The following CELF1 variants were observed in gnomAD, a reference collection of about 807,000 sequenced individuals.
CELF1 encodes the protein 50 kDa nuclear polyadenylated RNA-binding protein.
CELF1 carries 10 observed loss-of-function variants against 61.8 expected under a neutral mutation model. The ratio of observed to expected loss-of-function variants is 0.16; its 90% CI spans 0.10 to 0.27. CELF1 has a LOEUF of 0.27. Among genes scored for constraint, CELF1 ranks in the 10% least tolerant of loss-of-function variants. The pLI, the probability that CELF1 is intolerant of heterozygous loss-of-function variation, is 1.00. For synonymous variants in CELF1, 236 were observed against 225.1 expected, an observed-to-expected ratio of 1.05 and a Z score of -0.43; for missense variants, 380 against 639.1, an observed-to-expected ratio of 0.59 and a Z score of 4.37.
chr11:47,474,859 C>G (rs1267003557), intron 13 of CELF1, among the ~76,000 whole-genome samples: 1 of 152,212 alleles, frequency 6.6e-6, no homozygotes, highest in African/African-American at 2.4e-5. Context: ...ACTTCCCACT[C>G]CATCAACTCA....
rs903949698 is a variant in CELF1, at chr11:47,475,217, A to G, written c.1273+119T>C. ...TTCTCAGTCTACACTTGACACTGTC[A>G]AAGAAAAACAATGGTCTGACGACCT... On this transcript the variant is annotated intron_variant, in intron 13 of 14. Transcript: ENST00000687097. 5 of 886,794 alleles carry G rather than the reference A, an allele frequency of 5.6e-6. No homozygotes were observed. The African/African-American group carries it at 6.7e-5, about 12-fold the overall frequency. 54.9% of individuals were successfully genotyped at this position (886,794 alleles called of 1,614,324 possible).
chr11:47,485,033 A>C (rs2085849867), intron 6 of CELF1, among the ~76,000 whole-genome samples: 1 of 152,208 alleles, frequency 6.6e-6, no homozygotes, highest in Non-Finnish European at 1.5e-5. Context: ...AAGCATTTAG[A>C]TGAAATATGG....
Position 47,499,461 on chromosome 11 carries a change from G to A in CELF1, c.63C>T (p.Ser21=). 6.5e-7 allele frequency: 1 copy of A among 1,535,498 alleles called. No homozygotes were observed. Among genetic ancestry groups the A allele is most frequent in the Non-Finnish European group, 8.7e-7 (1 of 1,146,370 alleles). The part of the protein sequence containing the change: ...EMMVDHCSLN[S]SPVSKKMNGT... Reference sequence around the variant, plus strand: ...ACAACAAAAATACTTACACGGGACTGGAATTCAAAGAGCAATGATCCACCA... The same window carrying A: ...ACAACAAAAATACTTACACGGGACTAGAATTCAAAGAGCAATGATCCACCA... Residue 21 remains serine (S), a synonymous_variant, in exon 3 of 15, where the codon TCC becomes TCT. Transcript: ENST00000687097.
At chr11:47,490,694 G>A (rs970131084) in intron 3 of CELF1, among the ~76,000 whole-genome samples, 3 of 151,194 alleles carry the variant, frequency 2.0e-5, no homozygotes, top group African/African-American at 7.3e-5. Flanking sequence ...CCAAAGTGCT[G>A]GATTACAGGC....
rs150388672 is a variant in CELF1, at chr11:47,478,796, G to A, written c.844+81C>T. ...AGCAAAAAAATGTTTTCACAGAAACGATGCCAAACTCCCAAGACTGTTGTT... is the reference window on the plus strand; with the variant it reads ...AGCAAAAAAATGTTTTCACAGAAACAATGCCAAACTCCCAAGACTGTTGTT... On this transcript the variant is annotated intron_variant, in intron 10 of 14. Transcript: ENST00000687097. The A allele has an allele frequency of 3.1e-3, 3,548 of 1,144,118 alleles. 12 individuals carry two copies. The highest frequency in any genetic ancestry group is 3.9e-3 in the Non-Finnish European group (2,993 of 776,238). 70.9% of individuals were successfully genotyped at this position (1,144,118 alleles called of 1,614,324 possible).
At chr11:47,510,647 C>T (rs748979288) in intron 1 of CELF1, among the ~76,000 whole-genome samples, 8 of 151,946 alleles carry the variant, frequency 5.3e-5, no homozygotes, top group African/African-American at 1.7e-4. Flanking sequence ...CCACCACGCC[C>T]GGCTAATTTT....
At chr11:47,484,603 T>C (rs1168786369) in intron 6 of CELF1, 80 bp from the exon 7 acceptor site, 1 of 1,234,632 alleles carries the variant, frequency 8.1e-7, no homozygotes, top group Non-Finnish European at 1.2e-6. Context: ...CCAGACCGCC[T>C]GGGTTTGAAT....
intron 3 of CELF1, among the ~76,000 whole-genome samples, chr11:47,491,586 G>A (rs762123574): frequency 3.9e-5 from 6 of 152,138 alleles, no homozygotes; most frequent in Non-Finnish European, 8.8e-5. Context: ...CTATATCTGT[G>A]AAGGCTCCCC....
In CELF1 at chr11:47,488,874, G is replaced by A. The variant is rs2089425743; in HGVS notation, c.222C>T (p.Val74=). 6.3e-7 allele frequency: 1 copy of A among 1,592,710 alleles called. No homozygotes were observed. Among genetic ancestry groups the A allele is most frequent in the African/African-American group, 1.4e-5 (1 of 73,280 alleles). The change falls in exon 4 of 15, where the codon GTC becomes GTT. Residue 74 remains valine (V), a synonymous_variant. Transcript: ENST00000687097. ...GCGGGTTTTGGCTCCTATCCCTTAG[G>A]ACGTTGATTTCATACACAGCACCAT... is the stretch of plus-strand genomic sequence containing the variant. ...EQYGAVYEIN[V]LRDRSQNPPQ... is the part of the protein sequence containing the mutation.
rs970926155 is a variant in CELF1 at position 47,497,095 on chromosome 11, G to A, written c.71+2358C>T. 6.6e-5 allele frequency among the ~76,000 whole-genome samples: 10 copies of A among 152,292 alleles called. 2 individuals carry two copies. The highest frequency in any genetic ancestry group is 6.5e-5 in the Admixed American group (1 of 15,302). On this transcript the variant is annotated intron_variant, in intron 3 of 14. Coordinates refer to ENST00000687097, the MANE Select transcript of CELF1 (RefSeq NM_001376376.1). The stretch of plus-strand genomic sequence containing the variant: ...TTGAACTCCAAGGAGGAGAGGAAGA[G>A]AAAGAAACTAACAACTCTTGGGTTC...
At chr11:47,475,809 T>C (rs1481414267) in intron 12 of CELF1, among the ~76,000 whole-genome samples, 1 of 152,180 alleles carries the variant, frequency 6.6e-6, no homozygotes, top group Non-Finnish European at 1.5e-5. Context: ...ATTCTGCCAC[T>C]TTCTCATAAT....
At chr11:47,486,940 A>G (rs1389497284) in intron 5 of CELF1, 142 bp from the exon 6 acceptor site, 3 of 766,594 alleles carry the variant, frequency 3.9e-6, no homozygotes. Context: ...CCCAGAAAAC[A>G]GAATGTGAGT....
At chr11:47,482,972 C>T (rs1205351451) in intron 8 of CELF1, 116 bp from the exon 9 acceptor site, 1 of 911,682 alleles carries the variant, frequency 1.1e-6, no homozygotes, top group Non-Finnish European at 1.6e-6. Context: ...CCAAATGATT[C>T]TCCTCATGAT....
Position 47,500,685 on chromosome 11 carries a change from G to A in CELF1, c.-82+176C>T, listed in dbSNP as rs557559941. Among the ~76,000 whole-genome samples the A allele has an allele frequency of 3.3e-5, 5 of 152,226 alleles. 1 individual carries two copies. Among genetic ancestry groups the A allele is most frequent in the South Asian group, 2.1e-4 (1 of 4,826 alleles). ...TCTATTATGGGTGAGCAGTAGAGAT[G>A]GATATACTTAGCAGTCAAGGCAGAT... On this transcript the variant is annotated intron_variant, in intron 2 of 14. Transcript: ENST00000687097.
chr11:47,503,817 T>C (rs1007845778), intron 1 of CELF1, among the ~76,000 whole-genome samples: 11 of 152,204 alleles, frequency 7.2e-5, no homozygotes, highest in Admixed American at 5.2e-4. Flanking sequence ...AAACTGGTAA[T>C]TATCTCTGTG....
intron 1 of CELF1, among the ~76,000 whole-genome samples, chr11:47,529,712 T>C (rs913651399): frequency 6.6e-6 from 1 of 151,786 alleles, no homozygotes; most frequent in Non-Finnish European, 1.5e-5. Flanking sequence ...TCTCAGCTAC[T>C]GGGGAGGCTG....
At chr11:47,547,750 C>T (rs1023462908) in intron 1 of CELF1, among the ~76,000 whole-genome samples, 2 of 150,992 alleles carry the variant, frequency 1.3e-5, no homozygotes, top group Admixed American at 6.6e-5. Context: ...GAAAACAACA[C>T]GCTAAGTGAA....
chr11:47,475,656 A>T (rs972757818), intron 12 of CELF1, 135 bp from the exon 13 acceptor site: 4 of 810,392 alleles, frequency 4.9e-6, no homozygotes, highest in Non-Finnish European at 7.7e-6. Flanking sequence ...TCTCCCTGAG[A>T]AGAAACTATC....
chr11:47,546,567 G>A (rs952738658), intron 1 of CELF1, among the ~76,000 whole-genome samples: 2 of 152,184 alleles, frequency 1.3e-5, no homozygotes, highest in East Asian at 3.9e-4. Flanking sequence ...AGAGACCTAT[G>A]AGTATCTTTG....
Sources: allele counts gnomAD v4.1 joint callset (sites outside exome capture counted in the v4.1 genomes callset), GRCh38; gene constraint gnomAD v4.1.1; transcripts MANE v1.5; gene names NCBI Gene and HGNC (gene_info 2026-07-23, HGNC 2026-07-21).